The following WDFY2 variants were observed in gnomAD, a reference collection of about 807,000 sequenced individuals.
WDFY2 encodes the protein WD repeat and FYVE domain-containing protein 2.
WDFY2 carries 36 observed loss-of-function variants against 56.4 expected under a neutral mutation model. The observed-to-expected ratio is 0.64, with a 90% CI of 0.49 to 0.84. The LOEUF is 0.84. WDFY2 is among the 40% of genes least tolerant of loss of function. The pLI is 0.00. For synonymous variants in WDFY2, 176 were observed against 183.7 expected (o/e 0.96, Z 0.34); for missense variants, 444 against 512.2 (o/e 0.87, Z 1.29).
intron 2 of WDFY2, among the ~76,000 whole-genome samples, chr13:51,670,123 G>C (rs1955780837): frequency 6.6e-6 from 1 of 152,090 alleles, no homozygotes; most frequent in Non-Finnish European, 1.5e-5. Flanking sequence ...CTTTGCCATT[G>C]GGTCATAGTT....
chr13:51,745,968 T>C (rs1352606999), intron 7 of WDFY2, among the ~76,000 whole-genome samples: 1 of 132,364 alleles, frequency 7.6e-6, no homozygotes, highest in Non-Finnish European at 1.6e-5. Context: ...TTTCTTTTTC[T>C]TTTTCTTTTT....
intron 3 of WDFY2, among the ~76,000 whole-genome samples, chr13:51,702,321 G>GA (rs1013362380): frequency 3.3e-5 from 5 of 150,626 alleles, no homozygotes; most frequent in East Asian, 1.9e-4. Flanking sequence ...AAAAAAAAAA[G>GA]AAAAAAAATT....
At position 51,664,429 on chromosome 13, in the gene WDFY2, C is replaced by A. The variant is rs79967815; in HGVS notation, c.205+3766C>A. ...ACATATAAACCCAAGAGCTGTGAGG[C>A]GTTTGTGTGCATGGAGAAAGAGTAA... On this transcript the variant is annotated intron_variant, in intron 2 of 11. Transcript: ENST00000298125. 4.0e-3 allele frequency among the ~76,000 whole-genome samples: 616 copies of A among 152,180 alleles called. 3 individuals carry two copies. Among genetic ancestry groups the A allele is most frequent in the African/African-American group, 0.014 (576 of 41,514 alleles).
At chr13:51,717,260 TAAAC>T (rs1011729344) in intron 4 of WDFY2, among the ~76,000 whole-genome samples, 17 of 152,200 alleles carry the variant, frequency 1.1e-4, no homozygotes, top group African/African-American at 4.1e-4. Context: ...TTTTTCACCT[TAAAC>T]AGAAGTATGT....
At chr13:51,650,803 G>T (rs1221256124) in intron 1 of WDFY2, among the ~76,000 whole-genome samples, 7 of 152,278 alleles carry the variant, frequency 4.6e-5, no homozygotes, top group South Asian at 4.1e-4. Context: ...ATGTGTTGCT[G>T]GATTCGGTTT....
intron 5 of WDFY2, 125 bp from the exon 6 acceptor site, chr13:51,727,553 C>T (rs1952630333): frequency 4.9e-6 from 4 of 815,324 alleles, no homozygotes; most frequent in Non-Finnish European, 7.7e-6. Context: ...TTGTGTCTTT[C>T]AGCACTGTCT....
At chr13:51,638,781 T>TA (rs1249599410) in intron 1 of WDFY2, among the ~76,000 whole-genome samples, 1 of 152,256 alleles carries the variant, frequency 6.6e-6, no homozygotes, top group Non-Finnish European at 1.5e-5. Context: ...TACTGATGCA[T>TA]AATATGCAGA....
chr13:51,733,952 C>G (rs534887473), intron 6 of WDFY2, among the ~76,000 whole-genome samples: 1 of 152,168 alleles, frequency 6.6e-6, no homozygotes, highest in Non-Finnish European at 1.5e-5. Context: ...AAGGTATACT[C>G]TAGAGATGGA....
chr13:51,594,844 T>C (rs1256769806), intron 1 of WDFY2, among the ~76,000 whole-genome samples: 2 of 152,214 alleles, frequency 1.3e-5, no homozygotes, highest in African/African-American at 2.4e-5. Context: ...GCATAGTTGG[T>C]GCTCAGTGAA....
At chr13:51,600,874 C>T (rs1954263224) in intron 1 of WDFY2, among the ~76,000 whole-genome samples, 3 of 152,182 alleles carry the variant, frequency 2.0e-5, no homozygotes, top group Admixed American at 2.0e-4. Flanking sequence ...TGTGTTTCTC[C>T]TGACCTTCAT....
At chr13:51,720,980 C>T (rs1952476415) in intron 5 of WDFY2, among the ~76,000 whole-genome samples, 2 of 152,070 alleles carry the variant, frequency 1.3e-5, no homozygotes, top group South Asian at 2.1e-4. Context: ...CTATTTCACA[C>T]ACACACACAA....
At chr13:51,701,777 A>G (rs977900239) in intron 3 of WDFY2, among the ~76,000 whole-genome samples, 7 of 152,178 alleles carry the variant, frequency 4.6e-5, no homozygotes, top group Admixed American at 6.5e-5. Context: ...CCATTTCAGT[A>G]TATTCAAAAT....
At chr13:51,669,504 A>G (rs897553651) in intron 2 of WDFY2, among the ~76,000 whole-genome samples, 13 of 152,152 alleles carry the variant, frequency 8.5e-5, no homozygotes, top group Admixed American at 5.9e-4. Context: ...TTATTTGTGC[A>G]TTTCATTGCT....
chr13:51,731,050 A>G (rs775708678), intron 6 of WDFY2, among the ~76,000 whole-genome samples: 1 of 152,206 alleles, frequency 6.6e-6, no homozygotes, highest in Non-Finnish European at 1.5e-5. Context: ...TTGGAAAGCT[A>G]GTAGGGAACT....
intron 1 of WDFY2, chr13:51,598,759 T>A (rs927434989): frequency 6.6e-6 from 1 of 152,142 alleles, no homozygotes; most frequent in Admixed American, 6.5e-5. Context: ...ATAAAAATAT[T>A]CTCCTCTATT....
rs188808385 is a variant in WDFY2 at position 51,660,603 on chromosome 13, C to T, written c.145C>T (p.Arg49Cys). The T allele has an allele frequency of 9.9e-6, 16 of 1,613,576 alleles. No individual in the cohort carries two copies. Among genetic ancestry groups the T allele is most frequent in the Admixed American group, 6.7e-5 (4 of 60,008 alleles). ...TATTTTCTTCTGTTGTAGGACAGTT[C>T]GTGTTTGGTTAAAGAGAGACAGTGG... ...VISVSEDRTV[R>C]VWLKRDSGQY... Residue 49 changes from arginine to cysteine, a missense_variant, in exon 2 of 12, where the codon CGT becomes TGT. Arg to Cys is a radical substitution (Grantham distance 180, BLOSUM62 -3). Coordinates refer to ENST00000298125, the MANE Select transcript of WDFY2 (RefSeq NM_052950.4).
chr13:51,688,104 T>G (rs1276967959), intron 3 of WDFY2, among the ~76,000 whole-genome samples: 42 of 152,110 alleles, frequency 2.8e-4, no homozygotes, highest in Admixed American at 2.8e-3. Context: ...TTGGCAAAAA[T>G]AACTCCCAGC....
intron 3 of WDFY2, among the ~76,000 whole-genome samples, chr13:51,680,245 A>G (rs919618252): frequency 1.2e-4 from 18 of 151,988 alleles, no homozygotes; most frequent in Non-Finnish European, 4.4e-5. Flanking sequence ...GGGACTACAG[A>G]TGTGCACCAC....
chr13:51,687,464 AAGATATCATCTG>A (rs1956079557), intron 3 of WDFY2, among the ~76,000 whole-genome samples: 1 of 152,110 alleles, frequency 6.6e-6, no homozygotes, highest in Admixed American at 6.6e-5. Flanking sequence ...CTTCATTAAG[AAGATATCATCTG>A]AGCAGAAGCC....
Sources: allele counts gnomAD v4.1 joint callset (sites outside exome capture counted in the v4.1 genomes callset), GRCh38; gene constraint gnomAD v4.1.1; transcripts MANE v1.5; gene names NCBI Gene and HGNC (gene_info 2026-07-23, HGNC 2026-07-21).